Variants in STXBP5L observed in about 807,000 individuals in gnomAD.
The protein encoded by STXBP5L is syntaxin-binding protein 5-like.
STXBP5L carries 65 observed loss-of-function variants against 144.5 expected under a neutral mutation model. The observed-to-expected ratio is 0.45, with a 90% CI of 0.37 to 0.55. The LOEUF is 0.55. Ranked by LOEUF, STXBP5L falls within the 20% of genes least tolerant of loss-of-function variation. STXBP5L has a pLI of 0.00. For synonymous variants in STXBP5L, 505 were observed against 469.6 expected (o/e 1.08, Z -0.97); for missense variants, 1,298 against 1,405.5 (o/e 0.92, Z 1.22).
chr3:121,236,345 A>G (rs564585279), intron 12 of STXBP5L, among the ~76,000 whole-genome samples: 3 of 152,180 alleles, frequency 2.0e-5, no homozygotes, highest in Non-Finnish European at 4.4e-5. Context: ...AGGAATACTC[A>G]AGGCTAGATA....
At chr3:120,988,903 G>T (rs1942562957) in intron 3 of STXBP5L, among the ~76,000 whole-genome samples, 1 of 151,964 alleles carries the variant, frequency 6.6e-6, no homozygotes, top group South Asian at 2.1e-4. Context: ...ACTTACAAGT[G>T]AGAACATGTG....
intron 3 of STXBP5L, among the ~76,000 whole-genome samples, chr3:120,977,314 C>T (rs1002482497): frequency 3.3e-5 from 5 of 151,838 alleles, no homozygotes; most frequent in East Asian, 1.9e-4. Flanking sequence ...CTTCTTTGTC[C>T]CTTTTGATCT....
intron 23 of STXBP5L, among the ~76,000 whole-genome samples, chr3:121,408,589 G>C (rs1182977283): frequency 6.6e-6 from 1 of 151,986 alleles, no homozygotes; most frequent in African/African-American, 2.4e-5. Context: ...TAAATGAAGA[G>C]TTGTTGGGAG....
intron 5 of STXBP5L, among the ~76,000 whole-genome samples, chr3:121,100,686 G>T (rs779077815): frequency 6.7e-4 from 102 of 151,938 alleles, no homozygotes; most frequent in Non-Finnish European, 1.2e-3. Flanking sequence ...TCTAGAGGAA[G>T]TGGAAAAACG....
At chr3:121,231,776 A>G (rs2049318217) in intron 11 of STXBP5L, among the ~76,000 whole-genome samples, 1 of 152,212 alleles carries the variant, frequency 6.6e-6, no homozygotes, top group African/African-American at 2.4e-5. Flanking sequence ...TAGTCCCTCT[A>G]TTAAATAATT....
intron 3 of STXBP5L, among the ~76,000 whole-genome samples, chr3:120,994,802 T>A (rs990645867): frequency 3.3e-5 from 5 of 152,104 alleles, no homozygotes; most frequent in African/African-American, 1.2e-4. Context: ...ATACATTGAA[T>A]TAGGGGGAAT....
At chr3:121,142,177 C>T (rs1203025204) in intron 7 of STXBP5L, among the ~76,000 whole-genome samples, 1 of 151,640 alleles carries the variant, frequency 6.6e-6, no homozygotes, top group African/African-American at 2.4e-5. Flanking sequence ...CAAAGAAGGA[C>T]AATAAAAAGG....
At chr3:121,000,985 A>T (rs1943726916) in intron 3 of STXBP5L, among the ~76,000 whole-genome samples, 1 of 151,926 alleles carries the variant, frequency 6.6e-6, no homozygotes. Context: ...CATTTGATGT[A>T]CTCAGCCGGG....
chr3:121,133,689 C>T (rs2045107801), intron 7 of STXBP5L, among the ~76,000 whole-genome samples: 1 of 152,176 alleles, frequency 6.6e-6, no homozygotes, highest in Non-Finnish European at 1.5e-5. Flanking sequence ...AGTCCATTCT[C>T]ACACTTCTAG....
chr3:121,129,922 G>A (rs2044896024), intron 7 of STXBP5L, among the ~76,000 whole-genome samples: 1 of 152,018 alleles, frequency 6.6e-6, no homozygotes, highest in Non-Finnish European at 1.5e-5. Context: ...GGGGCATACA[G>A]AGCATCTCCT....
At chr3:121,023,212 G>T (rs1234411955) in intron 3 of STXBP5L, among the ~76,000 whole-genome samples, 1 of 151,936 alleles carries the variant, frequency 6.6e-6, no homozygotes, top group Non-Finnish European at 1.5e-5. Context: ...CCTGTACAAG[G>T]AAAACTACAA....
intron 10 of STXBP5L, among the ~76,000 whole-genome samples, chr3:121,217,105 T>A (rs1559876027): frequency 6.6e-6 from 1 of 152,174 alleles, no homozygotes; most frequent in Non-Finnish European, 1.5e-5. Flanking sequence ...CAGTGGATCT[T>A]AGCTTGCTAT....
intron 19 of STXBP5L, among the ~76,000 whole-genome samples, chr3:121,297,031 A>T (rs1313263941): frequency 1.3e-5 from 2 of 152,280 alleles, no homozygotes; most frequent in Non-Finnish European, 2.9e-5. Context: ...TACCAATACA[A>T]ATAACAATCA....
chr3:121,082,981 G>A (rs917515272), intron 5 of STXBP5L, among the ~76,000 whole-genome samples: 4 of 151,846 alleles, frequency 2.6e-5, no homozygotes, highest in South Asian at 4.1e-4. Context: ...GGCAGATTAC[G>A]AGGTCAAGAG....
At chr3:121,298,330 A>G (rs1316754046) in intron 19 of STXBP5L, among the ~76,000 whole-genome samples, 1 of 152,228 alleles carries the variant, frequency 6.6e-6, no homozygotes, top group Non-Finnish European at 1.5e-5. Flanking sequence ...TAAATTCAAA[A>G]TGCATTTAAA....
chr3:121,342,620 G>C (rs1335601204), intron 20 of STXBP5L, among the ~76,000 whole-genome samples: 1 of 151,378 alleles, frequency 6.6e-6, no homozygotes, highest in African/African-American at 2.4e-5. Context: ...TCTTGTGATA[G>C]TTTACTGAGA....
chr3:121,288,301 C>T (rs2051301512), intron 19 of STXBP5L, among the ~76,000 whole-genome samples: 1 of 152,134 alleles, frequency 6.6e-6, no homozygotes, highest in African/African-American at 2.4e-5. Context: ...AGTAAACATA[C>T]GCATGCATGT....
intron 3 of STXBP5L, among the ~76,000 whole-genome samples, chr3:121,004,318 A>C (rs1944067709): frequency 6.6e-6 from 1 of 151,682 alleles, no homozygotes; most frequent in Admixed American, 6.6e-5. Context: ...AGCAATTGTG[A>C]ATGGGAGTTC....
At chr3:120,951,847 CA>C (rs1406272142) in intron 2 of STXBP5L, among the ~76,000 whole-genome samples, 2 of 152,050 alleles carry the variant, frequency 1.3e-5, no homozygotes, top group Non-Finnish European at 2.9e-5. Context: ...TATAAAGACA[CA>C]TGCACACGTA....
Sources: gnomAD v4.1 joint callset for allele counts (sites outside exome capture counted in the v4.1 genomes callset) on GRCh38, gnomAD v4.1.1 for gene constraint, MANE v1.5 for transcripts, NCBI Gene and HGNC (gene_info 2026-07-23, HGNC 2026-07-21) for gene names.